The following SLC25A13 variants were observed in gnomAD, a reference collection of about 807,000 sequenced individuals.
SLC25A13 encodes electrogenic aspartate/glutamate antiporter SLC25A13, mitochondrial.
SLC25A13 carries 70 observed loss-of-function variants against 85.5 expected under a neutral mutation model. The observed-to-expected ratio is 0.82, with a 90% CI of 0.68 to 1.00. The LOEUF (loss-of-function observed/expected upper bound fraction) is 1.00. Among genes scored for constraint, SLC25A13 ranks in the 50% least tolerant of loss-of-function variants. The probability of loss-of-function intolerance (pLI) is 0.00; values close to 1 mark genes in which losing one functional copy is unlikely to be tolerated. For missense variants in SLC25A13, 765 were observed against 819.8 expected (o/e 0.93, Z 0.82); for synonymous variants, 259 against 288.7 (o/e 0.90, Z 1.04).
chr7:96,273,521 A>AGAAGAT (rs1798326663), intron 3 of SLC25A13, among the ~76,000 whole-genome samples: 1 of 152,230 alleles, frequency 6.6e-6, no homozygotes, highest in South Asian at 2.1e-4. Context: ...TCTTAGTCTC[A>AGAAGAT]GAAGATAAAT....
At chr7:96,189,233 A>C in intron 9 of SLC25A13, 61 bp downstream of exon 9, 1 of 1,452,420 alleles carries the variant, frequency 6.9e-7, no homozygotes, top group Non-Finnish European at 9.6e-7. Flanking sequence ...TGCAAGTGGA[A>C]CAGGGTTGGG....
intron 7 of SLC25A13, 56 bp from the exon 8 acceptor site, chr7:96,189,730 C>A: frequency 7.1e-7 from 1 of 1,409,728 alleles, no homozygotes; most frequent in Non-Finnish European, 1.0e-6. Context: ...CCACTAAATT[C>A]AGCATTAACT....
At chr7:96,123,872 G>C (rs1791620053) in intron 15 of SLC25A13, among the ~76,000 whole-genome samples, 1 of 152,214 alleles carries the variant, frequency 6.6e-6, no homozygotes, top group East Asian at 1.9e-4. Flanking sequence ...TGGTAGATCT[G>C]CCTGCTCTCT....
At chr7:96,237,419 A>C (rs1796784792) in intron 3 of SLC25A13, among the ~76,000 whole-genome samples, 1 of 152,198 alleles carries the variant, frequency 6.6e-6, no homozygotes, top group Admixed American at 6.5e-5. Flanking sequence ...TTCTCCATCT[A>C]GCAGGTCATG....
At chr7:96,159,563 C>T (rs915750956) in intron 13 of SLC25A13, among the ~76,000 whole-genome samples, 4 of 152,164 alleles carry the variant, frequency 2.6e-5, no homozygotes, top group Admixed American at 6.5e-5. Context: ...CTCGGACTTC[C>T]AGTCTCTGTT....
intron 14 of SLC25A13, among the ~76,000 whole-genome samples, 162 bp downstream of exon 14, chr7:96,146,394 C>T (rs1050841485): frequency 6.6e-6 from 1 of 151,870 alleles, no homozygotes; most frequent in African/African-American, 2.4e-5. Flanking sequence ...CAGGAAGGGG[C>T]ACCTCCTTCT....
intron 13 of SLC25A13, among the ~76,000 whole-genome samples, chr7:96,156,372 C>G (rs1391004037): frequency 2.0e-5 from 3 of 152,190 alleles, no homozygotes; most frequent in African/African-American, 4.8e-5. Context: ...ACTCAGCTCA[C>G]TGTAACCTTC....
intron 3 of SLC25A13, among the ~76,000 whole-genome samples, chr7:96,249,795 G>A (rs898187707): frequency 6.0e-5 from 9 of 150,458 alleles, no homozygotes; most frequent in East Asian, 2.0e-4. Context: ...GCATTTTCTT[G>A]GTATAAGTAT....
At chr7:96,218,838 T>C (rs1455452500) in intron 4 of SLC25A13, among the ~76,000 whole-genome samples, 1 of 152,214 alleles carries the variant, frequency 6.6e-6, no homozygotes, top group Non-Finnish European at 1.5e-5. Context: ...AACAGTTTCA[T>C]GCTTTTTCTA....
chr7:96,257,914 C>T (rs557476809), intron 3 of SLC25A13, among the ~76,000 whole-genome samples: 10 of 152,170 alleles, frequency 6.6e-5, no homozygotes, highest in Non-Finnish European at 1.0e-4. Flanking sequence ...GTTCAACATA[C>T]GTGATAATCA....
intron 3 of SLC25A13, among the ~76,000 whole-genome samples, 170 bp from the exon 4 acceptor site, chr7:96,235,087 A>C (rs1343767578): frequency 1.3e-5 from 2 of 152,244 alleles, no homozygotes; most frequent in African/African-American, 4.8e-5. Flanking sequence ...GGACTGAAAT[A>C]ATAATGCACA....
In SLC25A13 at chr7:96,277,395, T is replaced by C; in HGVS notation, c.70-57A>G. ...ATATTTGATTTTCAACAGTATATAA[T>C]CATGAGAGTGATATGTGAAAAAGTT... On this transcript the variant is annotated intron_variant, in intron 2 of 17. Transcript: ENST00000265631. The C allele has an allele frequency of 2.0e-6, 3 of 1,502,018 alleles. No individual in the cohort carries two copies. In the South Asian group the frequency reaches 3.6e-5, roughly 18 times the overall value. 93.0% of individuals were successfully genotyped at this position (1,502,018 alleles called of 1,614,324 possible).
intron 3 of SLC25A13, among the ~76,000 whole-genome samples, chr7:96,265,302 GAA>G (rs1310504821): frequency 6.6e-6 from 1 of 152,076 alleles, no homozygotes; most frequent in African/African-American, 2.4e-5. Context: ...CAAATGTTAG[GAA>G]ACTTCATTAA....
intron 2 of SLC25A13, among the ~76,000 whole-genome samples, chr7:96,287,956 C>G (rs1188827406): frequency 6.6e-6 from 1 of 152,210 alleles, no homozygotes; most frequent in Non-Finnish European, 1.5e-5. Flanking sequence ...TGGAGTTTTA[C>G]AATATCAACA....
intron 11 of SLC25A13, among the ~76,000 whole-genome samples, chr7:96,175,126 C>A (rs1794169064): frequency 6.6e-6 from 1 of 152,180 alleles, no homozygotes; most frequent in African/African-American, 2.4e-5. Context: ...TGGAGAGAAC[C>A]AGTTCTTCTG....
At chr7:96,289,853 A>T (rs1799045195) in intron 2 of SLC25A13, among the ~76,000 whole-genome samples, 1 of 152,236 alleles carries the variant, frequency 6.6e-6, no homozygotes, top group Admixed American at 6.5e-5. Flanking sequence ...AATATCCAGG[A>T]GAACTTCCCC....
intron 3 of SLC25A13, among the ~76,000 whole-genome samples, chr7:96,239,673 A>G (rs1201515720): frequency 6.6e-6 from 1 of 152,202 alleles, no homozygotes; most frequent in Non-Finnish European, 1.5e-5. Flanking sequence ...GCTAACATGA[A>G]AGCAAATGTA....
chr7:96,260,449 T>C (rs1297124233), intron 3 of SLC25A13, among the ~76,000 whole-genome samples: 3 of 151,924 alleles, frequency 2.0e-5, no homozygotes, highest in African/African-American at 7.3e-5. Context: ...AAGACCCCAA[T>C]TCCCCCACCC....
At chr7:96,222,849 A>C (rs1035055602) in intron 4 of SLC25A13, among the ~76,000 whole-genome samples, 1 of 152,192 alleles carries the variant, frequency 6.6e-6, no homozygotes. Flanking sequence ...TGTCTGATAC[A>C]TTTTGTTTCT....
Sources: gnomAD v4.1 joint callset for allele counts (sites outside exome capture counted in the v4.1 genomes callset) on GRCh38, gnomAD v4.1.1 for gene constraint, MANE v1.5 for transcripts, NCBI Gene and HGNC (gene_info 2026-07-23, HGNC 2026-07-21) for gene names.